Variants in LARGE1 observed in about 807,000 individuals in gnomAD.
The protein encoded by LARGE1 is LARGE xylosyl- and glucuronyltransferase 1, also known as xylosyl- and glucuronyltransferase LARGE1.
LARGE1 carries 43 observed loss-of-function variants against 87.6 expected under a neutral mutation model. The observed-to-expected ratio is 0.49, with a 90% CI of 0.38 to 0.63. LARGE1 has a LOEUF of 0.63. Ranked by LOEUF, LARGE1 falls within the 30% of genes least tolerant of loss-of-function variation. The pLI is 0.00. For missense variants in LARGE1, 802 were observed against 1,000.2 expected (o/e 0.80, Z 2.67); for synonymous variants, 434 against 394.6 (o/e 1.10, Z -1.18).
rs551809219 is a variant in LARGE1 at position 33,389,533 on chromosome 22, C to T, written c.893-5229G>A. Among the ~76,000 whole-genome samples the T allele has an allele frequency of 1.2e-4, 18 of 152,320 alleles. No homozygotes were observed. In the South Asian group the frequency reaches 3.5e-3, roughly 30 times the overall value. On this transcript the variant is annotated intron_variant, in intron 7 of 14. Transcript: ENST00000397394. ...AGGATGTAGAGCAAGAGAGTGACTA[C>T]AACAGAATCTGTTTTAGAAAAGCCA...
intron 1 of LARGE1, among the ~76,000 whole-genome samples, chr22:33,792,464 C>T (rs1246754412): frequency 6.6e-6 from 1 of 152,154 alleles, no homozygotes; most frequent in East Asian, 1.9e-4. Context: ...ATCAATTAAA[C>T]CTCTTTCCTT....
intron 1 of LARGE1, among the ~76,000 whole-genome samples, chr22:33,895,571 C>A (rs2065120011): frequency 6.6e-6 from 1 of 152,214 alleles, no homozygotes; most frequent in Non-Finnish European, 1.5e-5. Flanking sequence ...TGGCAGAATT[C>A]ATTTCCTTGT....
At chr22:33,319,405 A>AT (rs1162609693) in intron 10 of LARGE1, among the ~76,000 whole-genome samples, 2 of 151,514 alleles carry the variant, frequency 1.3e-5, no homozygotes, top group East Asian at 1.9e-4. Context: ...AATACTACTT[A>AT]TTTTTTTTGA....
chr22:33,519,909 T>G (rs1457473951), intron 6 of LARGE1, among the ~76,000 whole-genome samples: 1 of 152,160 alleles, frequency 6.6e-6, no homozygotes, highest in Non-Finnish European at 1.5e-5. Flanking sequence ...GCATTTTCTT[T>G]TCCTTAGGAT....
chr22:33,434,905 A>G (rs2067211260), intron 6 of LARGE1, among the ~76,000 whole-genome samples: 1 of 152,192 alleles, frequency 6.6e-6, no homozygotes, highest in African/African-American at 2.4e-5. Flanking sequence ...CCTTTTATGA[A>G]TAAGCCCAAG....
chr22:33,269,643 C>T (rs57182222), downstream of LARGE1, among the ~76,000 whole-genome samples: 2,669 of 152,224 alleles, frequency 0.018, 80 homozygotes, highest in African/African-American at 0.062. Context: ...GGCCTTGGTA[C>T]GACACCTTGG....
At chr22:33,871,509 C>T (rs1458586648) in intron 1 of LARGE1, among the ~76,000 whole-genome samples, 2 of 152,126 alleles carry the variant, frequency 1.3e-5, no homozygotes, top group Non-Finnish European at 2.9e-5. Flanking sequence ...AACACAGATG[C>T]TATTAGAGGA....
intron 1 of LARGE1, among the ~76,000 whole-genome samples, chr22:33,850,732 A>G (rs889484721): frequency 6.6e-6 from 1 of 152,146 alleles, no homozygotes; most frequent in African/African-American, 2.4e-5. Context: ...AGTCTGACTC[A>G]GAGTGGAGGG....
chr22:33,140,833 C>T, the LARGE1 span, among the ~76,000 whole-genome samples: 1 of 152,266 alleles, frequency 6.6e-6, no homozygotes, highest in South Asian at 2.1e-4. Flanking sequence ...TGTGGGACTT[C>T]ACCTTGTGAT....
chr22:33,917,057 C>T (rs1018919579), intron 1 of LARGE1, among the ~76,000 whole-genome samples: 6 of 152,300 alleles, frequency 3.9e-5, no homozygotes, highest in Middle Eastern at 3.4e-3. Flanking sequence ...TCACAAATGC[C>T]GTCTACCAGA....
intron 6 of LARGE1, among the ~76,000 whole-genome samples, chr22:33,498,534 T>C (rs1380374845): frequency 1.3e-5 from 2 of 152,214 alleles, no homozygotes; most frequent in Non-Finnish European, 2.9e-5. Context: ...TCCTACAACA[T>C]ACTCTTCTAA....
exon 12 of LARGE1, chr22:33,166,697 T>G (rs743794): frequency 6.4e-6 from 3 of 468,478 alleles, no homozygotes; most frequent in African/African-American, 2.0e-5. Context: ...TCCAACATGC[T>G]GTAAAATTAG....
At chr22:33,792,114 C>T (rs947949525) in intron 1 of LARGE1, among the ~76,000 whole-genome samples, 3 of 152,106 alleles carry the variant, frequency 2.0e-5, no homozygotes, top group Non-Finnish European at 4.4e-5. Context: ...TAAAACAGAA[C>T]GCACTATGGC....
At chr22:33,704,372 G>C (rs1001858409) in intron 2 of LARGE1, among the ~76,000 whole-genome samples, 1 of 152,196 alleles carries the variant, frequency 6.6e-6, no homozygotes, top group Non-Finnish European at 1.5e-5. Flanking sequence ...TTGCTGTATG[G>C]CTACAAAGAC....
intron 10 of LARGE1, among the ~76,000 whole-genome samples, chr22:33,326,722 G>C (rs1937276326): frequency 6.6e-6 from 1 of 152,184 alleles, no homozygotes; most frequent in African/African-American, 2.4e-5. Context: ...GAGAGGAAGG[G>C]AGGGAGCTGC....
At chr22:33,703,365 A>T (rs565355879) in intron 2 of LARGE1, among the ~76,000 whole-genome samples, 1 of 152,166 alleles carries the variant, frequency 6.6e-6, no homozygotes, top group Non-Finnish European at 1.5e-5. Flanking sequence ...GAAAAAAAAA[A>T]AAAAAATAAA....
At chr22:33,756,876 C>T (rs554535787) in intron 2 of LARGE1, among the ~76,000 whole-genome samples, 1 of 152,168 alleles carries the variant, frequency 6.6e-6, no homozygotes, top group South Asian at 2.1e-4. Context: ...GCTACAAGGC[C>T]GAGCTTAGAC....
chr22:33,351,823 C>T (rs528143921), intron 9 of LARGE1, among the ~76,000 whole-genome samples: 1 of 151,964 alleles, frequency 6.6e-6, no homozygotes, highest in East Asian at 1.9e-4. Context: ...CTCACTGCAA[C>T]CGCCTCCTGG....
chr22:33,914,284 T>C (rs773665625), intron 1 of LARGE1, among the ~76,000 whole-genome samples: 2 of 152,214 alleles, frequency 1.3e-5, no homozygotes, highest in Non-Finnish European at 2.9e-5. Context: ...TCTACTCTGT[T>C]TTTCTTCAAA....
Sources: gnomAD v4.1 joint callset for allele counts (sites outside exome capture counted in the v4.1 genomes callset) on GRCh38, gnomAD v4.1.1 for gene constraint, MANE v1.5 for transcripts, NCBI Gene and HGNC (gene_info 2026-07-23, HGNC 2026-07-21) for gene names.